The following GRIP1 variants were observed in gnomAD, a reference collection of about 807,000 sequenced individuals.
The protein encoded by GRIP1 is glutamate receptor-interacting protein 1.
A neutral mutation model predicts 129.9 loss-of-function variants in GRIP1; 45 were observed. The observed-to-expected ratio is 0.35, with a 90% CI of 0.27 to 0.44. The LOEUF is 0.44. Among genes scored for constraint, GRIP1 ranks in the 20% least tolerant of loss-of-function variants. The pLI is 1.00. For missense variants in GRIP1, 1,196 were observed against 1,396.8 expected (o/e 0.86, Z 2.29); for synonymous variants, 530 against 520.8 (o/e 1.02, Z -0.24).
chr12:66,933,265 G>A (rs935256007), intron 1 of GRIP1, among the ~76,000 whole-genome samples: 2 of 152,124 alleles, frequency 1.3e-5, no homozygotes, highest in Non-Finnish European at 2.9e-5. Flanking sequence ...CTTCCCAGAG[G>A]AGCTGCATAG....
intron 13 of GRIP1, among the ~76,000 whole-genome samples, chr12:66,442,848 T>C (rs1358339802): frequency 6.6e-6 from 1 of 152,236 alleles, no homozygotes; most frequent in African/African-American, 2.4e-5. Flanking sequence ...TTTGTTAATT[T>C]TTAAATTAAC....
chr12:66,784,121 A>AT (rs35567688), intron 1 of GRIP1, among the ~76,000 whole-genome samples: 4 of 151,582 alleles, frequency 2.6e-5, no homozygotes, highest in South Asian at 2.1e-4. Context: ...ATTTCCTCTA[A>AT]TTTTTTTTTA....
intron 1 of GRIP1, among the ~76,000 whole-genome samples, chr12:66,969,186 T>C (rs1050540159): frequency 6.6e-6 from 1 of 152,196 alleles, no homozygotes; most frequent in Non-Finnish European, 1.5e-5. Flanking sequence ...TATCTAAGTA[T>C]AGACTTTGTG....
chr12:66,413,298 AT>A (rs2057467548), intron 15 of GRIP1, among the ~76,000 whole-genome samples: 1 of 152,212 alleles, frequency 6.6e-6, no homozygotes, highest in Admixed American at 6.5e-5. Flanking sequence ...AGATTAAGAA[AT>A]TCACTCTAAA....
intron 2 of GRIP1, among the ~76,000 whole-genome samples, chr12:66,590,710 G>A (rs970558140): frequency 6.6e-6 from 1 of 152,168 alleles, no homozygotes; most frequent in African/African-American, 2.4e-5. Flanking sequence ...TGGGCAAACA[G>A]AAACAAATGA....
chr12:67,059,456 G>C (rs752139881), intron 1 of GRIP1, among the ~76,000 whole-genome samples: 1 of 152,208 alleles, frequency 6.6e-6, no homozygotes, highest in South Asian at 2.1e-4. Context: ...GTCACACAAT[G>C]AATGAAATGC....
intron 1 of GRIP1, among the ~76,000 whole-genome samples, chr12:66,602,621 G>A (rs1340455988): frequency 6.6e-6 from 1 of 152,054 alleles, no homozygotes; most frequent in African/African-American, 2.4e-5. Context: ...CAGAAGATTA[G>A]GGAATGATCT....
At chr12:66,509,676 C>A (rs921842759) in intron 7 of GRIP1, among the ~76,000 whole-genome samples, 1 of 152,074 alleles carries the variant, frequency 6.6e-6, no homozygotes, top group Admixed American at 6.6e-5. Context: ...AAGCCATTAT[C>A]CTCAGCAAAC....
chr12:66,531,250 AAAATATATATATAT>A (rs1309006512), intron 4 of GRIP1, among the ~76,000 whole-genome samples: 3 of 35,122 alleles, frequency 8.5e-5, no homozygotes, highest in Admixed American at 5.7e-4. Flanking sequence ...AAAAAAAAAA[AAAATATATATATAT>A]ATATATATAT....
chr12:66,904,078 T>C (rs1447414108), intron 1 of GRIP1, among the ~76,000 whole-genome samples: 2 of 152,262 alleles, frequency 1.3e-5, no homozygotes, highest in Admixed American at 6.5e-5. Context: ...CAACTTTATG[T>C]CTGCCTTTTA....
intron 1 of GRIP1, among the ~76,000 whole-genome samples, chr12:67,044,747 C>A (rs925232921): frequency 1.3e-5 from 2 of 152,040 alleles, no homozygotes; most frequent in African/African-American, 4.8e-5. Context: ...CTATCATATG[C>A]TGTTCTACAT....
chr12:66,922,387 T>C (rs1329274357), intron 1 of GRIP1, among the ~76,000 whole-genome samples: 1 of 152,176 alleles, frequency 6.6e-6, no homozygotes, highest in African/African-American at 2.4e-5. Context: ...GAGAAATCAG[T>C]GGCAGCTATT....
Position 66,938,152 on chromosome 12 carries a change from C to T in GRIP1, c.58+130898G>A, listed in dbSNP as rs147365957. On this transcript the variant is annotated intron_variant, in intron 1 of 1. Transcript: ENST00000643019. The stretch of plus-strand genomic sequence containing the variant: ...CAGCACTTTGGGAGGCCAAGGCAGG[C>T]GGATTGCAAGGTCAAGAGATCAAGA... Among the ~76,000 whole-genome samples the T allele has an allele frequency of 2.1e-3, 326 of 152,134 alleles. 2 individuals are homozygous for T. Among genetic ancestry groups the T allele is most frequent in the African/African-American group, 7.1e-3 (295 of 41,496 alleles).
intron 1 of GRIP1, among the ~76,000 whole-genome samples, chr12:67,055,691 A>C (rs2043423229): frequency 6.6e-6 from 1 of 152,224 alleles, no homozygotes; most frequent in Non-Finnish European, 1.5e-5. Flanking sequence ...CTGAAAAACT[A>C]GTATGCACTC....
chr12:66,713,783 T>C (rs2035785360), intron 1 of GRIP1, among the ~76,000 whole-genome samples: 1 of 152,054 alleles, frequency 6.6e-6, no homozygotes, highest in South Asian at 2.1e-4. Flanking sequence ...TCTGCTTCCC[T>C]TACTGGCCTA....
intron 1 of GRIP1, among the ~76,000 whole-genome samples, chr12:66,866,013 A>C (rs2040199262): frequency 1.3e-5 from 2 of 152,070 alleles, no homozygotes; most frequent in African/African-American, 4.8e-5. Context: ...CAAATAACCA[A>C]AGCCTTACTT....
chr12:66,594,067 CAAAAAAAAAAA>C (rs10661389), intron 2 of GRIP1, among the ~76,000 whole-genome samples: 3 of 52,930 alleles, frequency 5.7e-5, no homozygotes, highest in African/African-American at 8.6e-5. Context: ...GACTCCGTCT[CAAAAAAAAAAA>C]AAAAAAAAAA....
At chr12:66,378,327 CT>C (rs1293839006) in intron 20 of GRIP1, among the ~76,000 whole-genome samples, 11 of 152,158 alleles carry the variant, frequency 7.2e-5, no homozygotes, top group Non-Finnish European at 1.6e-4. Flanking sequence ...TGGCAGGTGC[CT>C]GCAGTCCCAG....
intron 2 of GRIP1, among the ~76,000 whole-genome samples, chr12:66,594,312 T>G (rs191587337): frequency 6.6e-6 from 1 of 152,148 alleles, no homozygotes. Context: ...GAAGTAGGAT[T>G]GGGAGTGAGC....
Sources: allele counts gnomAD v4.1 joint callset (sites outside exome capture counted in the v4.1 genomes callset), GRCh38; gene constraint gnomAD v4.1.1; transcripts MANE v1.5; gene names NCBI Gene and HGNC (gene_info 2026-07-23, HGNC 2026-07-21).